The following AGMO variants were observed in gnomAD, a reference collection of about 807,000 sequenced individuals.
The protein encoded by AGMO is glyceryl-ether monooxygenase.
A neutral mutation model predicts 60.2 loss-of-function variants in AGMO; 75 were observed. The ratio of observed to expected loss-of-function variants is 1.25; its 90% CI spans 1.03 to 1.51. The LOEUF (loss-of-function observed/expected upper bound fraction) is 1.51, where lower values mean the gene tolerates loss of function less well. Among genes scored for constraint, AGMO ranks in the 40% most tolerant of loss-of-function variants. The pLI, the probability that AGMO is intolerant of heterozygous loss-of-function variation, is 0.00. For missense variants in AGMO, 763 were observed against 525.5 expected, an observed-to-expected ratio of 1.45 and a Z score of -4.42; for synonymous variants, 261 against 177.1, an observed-to-expected ratio of 1.47 and a Z score of -3.76.
Position 15,387,356 on chromosome 7 carries a change from G to A in AGMO, c.957+50C>T, listed in dbSNP as rs538585687. ...GTATGTACAGGCTGGCTGTAGACCT[G>A]ACAATATGAGACAATCTTCACCATC... is the stretch of plus-strand genomic sequence containing the variant. On this transcript the variant is annotated intron_variant, in intron 9 of 12. Transcript: ENST00000342526. The A allele has an allele frequency of 6.3e-6, 10 of 1,592,088 alleles. No individual in the cohort carries two copies. In the African/African-American group the frequency reaches 1.2e-4, roughly 19 times the overall value.
intron 3 of AGMO, among the ~76,000 whole-genome samples, chr7:15,477,319 T>A (rs1474513095): frequency 1.4e-4 from 22 of 152,070 alleles, no homozygotes; most frequent in Admixed American, 1.4e-3. Flanking sequence ...TTAACTAAAA[T>A]GGGTTATAAA....
chr7:15,466,730 A>G lies in AGMO; in HGVS notation c.410-35622T>C, dbSNP rs914661152. ...AAATCATAGTATCGCTAAGGAGTTA[A>G]AGAAATTATTTGTAAAGCATTTCAA... On this transcript the variant is annotated intron_variant, in intron 3 of 12. Coordinates refer to ENST00000342526, the MANE Select transcript of AGMO (RefSeq NM_001004320.2). Among the ~76,000 whole-genome samples, 5 of 152,210 alleles carry G rather than the reference A, an allele frequency of 3.3e-5. No individual in the cohort carries two copies. The South Asian group carries it at 8.3e-4, about 25-fold the overall frequency.
intron 12 of AGMO, among the ~76,000 whole-genome samples, chr7:15,293,819 C>T (rs981653508): frequency 6.6e-6 from 1 of 152,032 alleles, no homozygotes; most frequent in Non-Finnish European, 1.5e-5. Context: ...CTTCATCATC[C>T]CCAATTTTAA....
intron 12 of AGMO, among the ~76,000 whole-genome samples, chr7:15,266,518 T>A (rs1171654948): frequency 6.6e-6 from 1 of 152,010 alleles, no homozygotes; most frequent in East Asian, 1.9e-4. Flanking sequence ...ATGCTTCATT[T>A]CTCTACCCAT....
intron 12 of AGMO, among the ~76,000 whole-genome samples, chr7:15,215,004 A>T (rs1328199743): frequency 1.3e-5 from 2 of 152,132 alleles, no homozygotes; most frequent in South Asian, 2.1e-4. Context: ...ATTTTATTTC[A>T]AACTTTCAAA....
At chr7:15,493,723 C>A (rs546059561) in intron 3 of AGMO, among the ~76,000 whole-genome samples, 1 of 152,088 alleles carries the variant, frequency 6.6e-6, no homozygotes, top group African/African-American at 2.4e-5. Context: ...AGGCCTCATG[C>A]CCCTTTACCC....
intron 4 of AGMO, 102 bp from the exon 5 acceptor site, chr7:15,418,755 C>T (rs1780850676): frequency 2.8e-6 from 2 of 708,334 alleles, no homozygotes; most frequent in Non-Finnish European, 4.7e-6. Context: ...GGAAATATAT[C>T]TCATACTATA....
intron 3 of AGMO, among the ~76,000 whole-genome samples, chr7:15,500,994 G>T (rs6970998): frequency 0.81 from 123,306 of 151,900 alleles, 50,227 homozygotes; most frequent in East Asian, 0.97. Context: ...TGTATGGTTT[G>T]GAACAATTTT....
At chr7:15,514,922 T>C (rs1583633532) in intron 3 of AGMO, among the ~76,000 whole-genome samples, 2 of 152,186 alleles carry the variant, frequency 1.3e-5, no homozygotes, top group Non-Finnish European at 2.9e-5. Context: ...ACATCATCTA[T>C]GTTAGGATTG....
intron 12 of AGMO, among the ~76,000 whole-genome samples, chr7:15,350,119 G>A (rs1234247713): frequency 1.3e-5 from 2 of 152,088 alleles, no homozygotes; most frequent in Non-Finnish European, 2.9e-5. Context: ...CATAATAACT[G>A]TGTTTCTGGA....
intron 12 of AGMO, among the ~76,000 whole-genome samples, chr7:15,337,763 G>A (rs577394152): frequency 1.3e-5 from 2 of 152,300 alleles, no homozygotes; most frequent in Non-Finnish European, 2.9e-5. Context: ...TGAGTGCAGC[G>A]ACTGCTGAGT....
intron 5 of AGMO, among the ~76,000 whole-genome samples, chr7:15,395,039 T>C (rs377547336): frequency 1.1e-4 from 16 of 152,192 alleles, no homozygotes; most frequent in African/African-American, 3.6e-4. Flanking sequence ...TTTGGTATGT[T>C]ACATGAATAA....
At chr7:15,218,776 A>G (rs1781825777) in intron 12 of AGMO, among the ~76,000 whole-genome samples, 1 of 152,114 alleles carries the variant, frequency 6.6e-6, no homozygotes, top group Admixed American at 6.6e-5. Flanking sequence ...AAGAAAGACT[A>G]ACTCAGTTGA....
chr7:15,444,487 C>T (rs1781646610), intron 3 of AGMO, among the ~76,000 whole-genome samples: 1 of 152,198 alleles, frequency 6.6e-6, no homozygotes, highest in African/African-American at 2.4e-5. Flanking sequence ...TATTGGCCTT[C>T]TTGCCAAAAC....
intron 12 of AGMO, among the ~76,000 whole-genome samples, chr7:15,280,661 C>T (rs1783936589): frequency 6.6e-6 from 1 of 152,234 alleles, no homozygotes; most frequent in Non-Finnish European, 1.5e-5. Flanking sequence ...AATGCCACCT[C>T]TTGGCTGGAG....
intron 4 of AGMO, among the ~76,000 whole-genome samples, chr7:15,424,488 G>A (rs188488974): frequency 1.3e-5 from 2 of 152,224 alleles, no homozygotes; most frequent in Admixed American, 1.3e-4. Context: ...AACTATAAAT[G>A]ACTATCAAAT....
chr7:15,226,522 C>CA (rs1563043728), intron 12 of AGMO, among the ~76,000 whole-genome samples: 1 of 152,032 alleles, frequency 6.6e-6, no homozygotes, highest in African/African-American at 2.4e-5. Flanking sequence ...CTTGATTTTC[C>CA]AGTCCATGAC....
intron 5 of AGMO, among the ~76,000 whole-genome samples, chr7:15,403,092 T>A (rs1784597549): frequency 6.6e-6 from 1 of 151,972 alleles, no homozygotes; most frequent in Non-Finnish European, 1.5e-5. Flanking sequence ...ATCACTCATT[T>A]TTCTTTCTTT....
chr7:15,271,500 CT>C (rs1307171232), intron 12 of AGMO, among the ~76,000 whole-genome samples: 1 of 152,042 alleles, frequency 6.6e-6, no homozygotes. Context: ...TATTAACTAT[CT>C]TTTTATGTTA....
Sources: gnomAD v4.1 joint callset for allele counts (sites outside exome capture counted in the v4.1 genomes callset) on GRCh38, gnomAD v4.1.1 for gene constraint, MANE v1.5 for transcripts, NCBI Gene and HGNC (gene_info 2026-07-23, HGNC 2026-07-21) for gene names.